Variants in CCDC97 observed in about 807,000 individuals in gnomAD.
CCDC97 encodes coiled-coil domain-containing protein 97.
CCDC97 carries 27 observed loss-of-function variants against 33.9 expected under a neutral mutation model. The observed-to-expected ratio is 0.80, with a 90% CI of 0.59 to 1.10. CCDC97 has a LOEUF of 1.10. Among genes scored for constraint, CCDC97 ranks in the 50% least tolerant of loss-of-function variants. The probability of loss-of-function intolerance (pLI) is 0.00; values close to 1 mark genes in which losing one functional copy is unlikely to be tolerated. For synonymous variants in CCDC97, 217 were observed against 194.0 expected, an observed-to-expected ratio of 1.12 and a Z score of -0.99; for missense variants, 422 against 476.6, an observed-to-expected ratio of 0.89 and a Z score of 1.07.
chr19:41,310,325 G>A lies in CCDC97; in HGVS notation c.15G>A (p.Ala5=), dbSNP rs201143753. ...AGAGAATCAGGATGGAGGCCGTGGC[G>A]ACGGCGACGGCGGCGAAGGAACCCG... is the stretch of plus-strand genomic sequence containing the variant. MEAV[A]TATAAKEPDK... The change falls in exon 1 of 5, where the codon GCG becomes GCA. Residue 5 remains alanine, a synonymous_variant. Coordinates refer to ENST00000269967, the MANE Select transcript of CCDC97 (RefSeq NM_052848.3). The A allele has an allele frequency of 1.2e-5, 19 of 1,605,822 alleles. No homozygotes were observed. The African/African-American group carries it at 1.7e-4, about 15-fold the overall frequency.
At chr19:41,315,910 A>T (rs1230191204) in intron 1 of CCDC97, among the ~76,000 whole-genome samples, 1 of 152,182 alleles carries the variant, frequency 6.6e-6, no homozygotes, top group African/African-American at 2.4e-5. Flanking sequence ...CCTGAGTAAC[A>T]TGTCAATACC....
In CCDC97 at chr19:41,316,731, G is replaced by A. The variant is rs758991547; in HGVS notation, c.394G>A (p.Ala132Thr). ...TGGCCACGTGCGTGGCGACCACCGT[G>A]CAGACTTCTACTGTGCTGAGGTGGC... ...CFGHVRGDHR[A>T]DFYCAEVARQ... is the part of the protein sequence containing the mutation. Residue 132 changes from alanine (A) to threonine (T), a missense_variant, in exon 2 of 5, where the codon GCA becomes ACA. Transcript: ENST00000269967. 6.2e-7 allele frequency: 1 copy of A among 1,613,750 alleles called. No individual in the cohort carries two copies. The highest frequency in any genetic ancestry group is 8.5e-7 in the Non-Finnish European group (1 of 1,179,842).
At chr19:41,312,336 C>T (rs1325972823) in intron 1 of CCDC97, among the ~76,000 whole-genome samples, 2 of 152,220 alleles carry the variant, frequency 1.3e-5, no homozygotes, top group Non-Finnish European at 2.9e-5. Context: ...CCTCCTGCCT[C>T]AGCCTCCCAT....
At chr19:41,321,093 G>A (rs1310776184) in intron 4 of CCDC97, among the ~76,000 whole-genome samples, 1 of 152,240 alleles carries the variant, frequency 6.6e-6, no homozygotes, top group Non-Finnish European at 1.5e-5. Context: ...CAGCCCCGAT[G>A]ACATGTGAAA....
intron 1 of CCDC97, among the ~76,000 whole-genome samples, chr19:41,313,385 C>T (rs2037709519): frequency 6.6e-6 from 1 of 152,162 alleles, no homozygotes; most frequent in African/African-American, 2.4e-5. Context: ...CCCTTACTTC[C>T]AGCACGTCAG....
intron 2 of CCDC97, among the ~76,000 whole-genome samples, 171 bp downstream of exon 2, chr19:41,317,010 G>T (rs976098848): frequency 2.6e-5 from 4 of 152,296 alleles, no homozygotes; most frequent in African/African-American, 9.6e-5. Context: ...AAAGTAAGGG[G>T]GAGAGATAGA....
At chr19:41,313,050 G>A (rs1427755055) in intron 1 of CCDC97, among the ~76,000 whole-genome samples, 1 of 152,152 alleles carries the variant, frequency 6.6e-6, no homozygotes, top group Admixed American at 6.5e-5. Flanking sequence ...GGGATTACAG[G>A]GGTGAGCCAT....
intron 4 of CCDC97, 117 bp from the exon 5 acceptor site, chr19:41,322,478 G>A: frequency 9.0e-7 from 1 of 1,116,718 alleles, no homozygotes; most frequent in South Asian, 1.5e-5. Flanking sequence ...CCTTGGGAGG[G>A]TCAGCTCTGA....
Position 41,324,175 on chromosome 19 carries a change from G to A in CCDC97, c.*1460G>A, listed in dbSNP as rs2037858391. 1 of 152,248 alleles carries A rather than the reference G, an allele frequency of 6.6e-6. No individual in the cohort carries two copies. The highest frequency in any genetic ancestry group is 2.1e-4 in the South Asian group (1 of 4,838). 9.4% of individuals were successfully genotyped at this position (152,248 alleles called of 1,614,324 possible). A position where few individuals can be genotyped will look rare whatever the true frequency, so the allele number is the denominator to read the frequency against. ...TGGAGGCAGACAAGATGCTCAGAGC[G>A]ACTATTAAAGAACGAAAGCCTCTGC... On this transcript the variant is annotated 3_prime_UTR_variant, in exon 5 of 5. Coordinates refer to ENST00000269967, the MANE Select transcript of CCDC97 (RefSeq NM_052848.3).
chr19:41,313,439 G>A (rs983641199), intron 1 of CCDC97, among the ~76,000 whole-genome samples: 3 of 151,968 alleles, frequency 2.0e-5, no homozygotes, highest in Non-Finnish European at 2.9e-5. Flanking sequence ...TTTCTGATTC[G>A]CTCACTCATG....
intron 1 of CCDC97, among the ~76,000 whole-genome samples, chr19:41,311,214 T>G (rs2123050253): frequency 6.6e-6 from 1 of 152,072 alleles, no homozygotes; most frequent in South Asian, 2.1e-4. Context: ...GAGAGAAACC[T>G]GATCTCTATA....
At chr19:41,322,346 C>A (rs967696817) in intron 4 of CCDC97, among the ~76,000 whole-genome samples, 1 of 152,244 alleles carries the variant, frequency 6.6e-6, no homozygotes, top group Non-Finnish European at 1.5e-5. Context: ...CCTGCCTTGG[C>A]CTCCCATAGT....
Position 41,320,434 on chromosome 19 carries a change from G to C in CCDC97, c.875G>C (p.Arg292Pro). ...GAGTTCACCAGCCGCATGCACCAGC[G>C]CTTCCTAGATGGCAAGGACGGGGAC... ...REEFTSRMHQ[R>P]FLDGKDGDFD... The change falls in exon 4 of 5, where the codon CGC becomes CCC. Residue 292 changes from arginine to proline, a missense_variant. Physicochemically the swap from Arg to Pro is moderately radical, Grantham distance 103. Coordinates refer to ENST00000269967, the MANE Select transcript of CCDC97 (RefSeq NM_052848.3). 1 of 1,614,110 alleles carries C rather than the reference G, an allele frequency of 6.2e-7. No homozygotes were observed. Among genetic ancestry groups the C allele is most frequent in the South Asian group, 1.1e-5 (1 of 91,082 alleles).
rs1341265522 is a variant in CCDC97 at position 41,322,741 on chromosome 19, C to T, written c.*26C>T. On this transcript the variant is annotated 3_prime_UTR_variant, in exon 5 of 5. Transcript: ENST00000269967. ...TGGCCGCCACCCTTCCCACCGCCTGCCCCATCCCCATCCCCAACAAGGCAG... is the reference window on the plus strand; with the variant it reads ...TGGCCGCCACCCTTCCCACCGCCTGTCCCATCCCCATCCCCAACAAGGCAG... 1.9e-6 allele frequency: 3 copies of T among 1,605,648 alleles called. 1 individual carries two copies. In the African/African-American group the frequency reaches 4.0e-5, roughly 21 times the overall value.
intron 1 of CCDC97, among the ~76,000 whole-genome samples, chr19:41,311,705 C>G (rs1816324277): frequency 6.6e-6 from 1 of 151,980 alleles, no homozygotes; most frequent in East Asian, 1.9e-4. Context: ...CCACTGTACT[C>G]CAGTCTGGGT....
chr19:41,320,348 G>A lies in CCDC97; in HGVS notation c.789G>A (p.Arg263=), dbSNP rs754682143. The change falls in exon 4 of 5, where the codon AGG becomes AGA. Residue 263 remains arginine, a synonymous_variant. Transcript: ENST00000269967. The part of the protein sequence containing the change: ...EEEDSDEEDQ[R]SGKDSEAWVP... Reference sequence around the variant, plus strand: ...TCTCCTCTCCCTCTGCAGACCAGAGGTCAGGCAAGGACTCGGAGGCCTGGG... The same window carrying A: ...TCTCCTCTCCCTCTGCAGACCAGAGATCAGGCAAGGACTCGGAGGCCTGGG... The A allele has an allele frequency of 5.4e-5, 87 of 1,613,844 alleles. No individual in the cohort carries two copies. The highest frequency in any genetic ancestry group is 6.9e-5 in the Non-Finnish European group (81 of 1,179,984).
rs376212276 is a variant in CCDC97, at chr19:41,319,702, G to T, written c.631G>T (p.Gly211Trp). The change falls in exon 3 of 5, where the codon GGG becomes TGG. Residue 211 changes from glycine to tryptophan, a missense_variant. By Grantham distance (184) the Gly-to-Trp change is radical. Transcript: ENST00000269967. ...CCCAACCCACCAGCCCCCCAAGCCC[G>T]GGTCCCCCGGGAGACCTGCTTGCCC... Reference protein sequence around the residue: ...RTPTHQPPKPGSPGRPACPLS... With the variant: ...RTPTHQPPKPWSPGRPACPLS... 1.9e-6 allele frequency: 3 copies of T among 1,613,774 alleles called. No individual in the cohort carries two copies. The East Asian group carries it at 6.7e-5, about 36-fold the overall frequency.
intron 4 of CCDC97, chr19:41,320,804 C>A (rs2037816540): frequency 3.8e-6 from 1 of 263,302 alleles, no homozygotes; most frequent in East Asian, 9.6e-5. Context: ...GGAAGCCCAA[C>A]CTCTTCCGCT....
intron 1 of CCDC97, among the ~76,000 whole-genome samples, chr19:41,313,685 C>T (rs1206527019): frequency 1.3e-5 from 2 of 152,130 alleles, no homozygotes; most frequent in South Asian, 2.1e-4. Flanking sequence ...GTTTGCCCAG[C>T]GCTCCGCTTT....
Sources: allele counts gnomAD v4.1 joint callset (sites outside exome capture counted in the v4.1 genomes callset), GRCh38; gene constraint gnomAD v4.1.1; transcripts MANE v1.5; gene names NCBI Gene and HGNC (gene_info 2026-07-23, HGNC 2026-07-21).